EYS: variants seen among roughly 807,000 people sequenced by gnomAD.
EYS encodes the protein protein eyes shut homolog.
EYS carries 250 observed loss-of-function variants against 282.1 expected under a neutral mutation model. The ratio of observed to expected loss-of-function variants is 0.89; its 90% confidence interval spans 0.80 to 0.98. The LOEUF (loss-of-function observed/expected upper bound fraction) is 0.98. EYS is among the 50% of genes least tolerant of loss of function. The probability of loss-of-function intolerance (pLI) is 0.00; values close to 1 mark genes in which losing one functional copy is unlikely to be tolerated. For synonymous variants in EYS, 1,355 were observed against 1,282.9 expected, an observed-to-expected ratio of 1.06 and a Z score of -1.20; for missense variants, 4,016 against 3,709.0, an observed-to-expected ratio of 1.08 and a Z score of -2.15.
chr6:64,475,238 T>C (rs570169908), intron 26 of EYS, among the ~76,000 whole-genome samples: 30 of 152,306 alleles, frequency 2.0e-4, no homozygotes, highest in African/African-American at 6.7e-4. Context: ...TTCTACTTCA[T>C]AGTTTGCTCT....
At chr6:65,504,730 C>T (rs1281022182) in intron 2 of EYS, among the ~76,000 whole-genome samples, 1 of 151,206 alleles carries the variant, frequency 6.6e-6, no homozygotes, top group East Asian at 1.9e-4. Flanking sequence ...TAACTTTGCA[C>T]TGTGGAATAA....
chr6:64,985,955 G>C (rs576545625), intron 14 of EYS, among the ~76,000 whole-genome samples: 1 of 151,494 alleles, frequency 6.6e-6, no homozygotes, highest in African/African-American at 2.4e-5. Context: ...ACGTTTTCCA[G>C]AATCCAGCTA....
At chr6:63,736,914 T>A (rs1768928992) in intron 41 of EYS, among the ~76,000 whole-genome samples, 1 of 152,222 alleles carries the variant, frequency 6.6e-6, no homozygotes, top group South Asian at 2.1e-4. Flanking sequence ...ATAGGAATGC[T>A]TGTGATTTTT....
chr6:65,664,970 G>C (rs1407533257), intron 1 of EYS, among the ~76,000 whole-genome samples: 1 of 152,088 alleles, frequency 6.6e-6, no homozygotes, highest in Non-Finnish European at 1.5e-5. Flanking sequence ...TCTGTGATCT[G>C]CCCATCAGGA....
chr6:65,297,918 T>C (rs1168590055), intron 11 of EYS, among the ~76,000 whole-genome samples: 1 of 152,100 alleles, frequency 6.6e-6, no homozygotes, highest in African/African-American at 2.4e-5. Context: ...TCTTTCACTT[T>C]TAACAGTGTT....
chr6:64,341,782 C>T (rs1771123529), intron 29 of EYS, among the ~76,000 whole-genome samples: 1 of 151,692 alleles, frequency 6.6e-6, no homozygotes, highest in Admixed American at 6.6e-5. Context: ...AAAGCATTCT[C>T]TAACCACTTG....
intron 19 of EYS, among the ~76,000 whole-genome samples, chr6:64,856,379 C>A (rs1421986364): frequency 1.3e-5 from 2 of 152,164 alleles, no homozygotes; most frequent in African/African-American, 4.8e-5. Flanking sequence ...CAGTTCACTG[C>A]ATGCTCAACT....
chr6:65,139,116 A>T (rs1764248167), intron 12 of EYS, among the ~76,000 whole-genome samples: 1 of 152,130 alleles, frequency 6.6e-6, no homozygotes, highest in African/African-American at 2.4e-5. Flanking sequence ...ATTTTACCAT[A>T]AAGACTCATG....
intron 28 of EYS, among the ~76,000 whole-genome samples, chr6:64,403,518 G>A (rs1041233701): frequency 3.3e-5 from 5 of 151,830 alleles, no homozygotes; most frequent in Non-Finnish European, 5.9e-5. Flanking sequence ...CACCACGCCC[G>A]GCTAATTTTT....
intron 12 of EYS, among the ~76,000 whole-genome samples, chr6:65,289,164 AAT>A (rs1768452561): frequency 1.3e-5 from 2 of 151,190 alleles, no homozygotes; most frequent in South Asian, 4.1e-4. Flanking sequence ...TAAATAAGAA[AAT>A]ATGTTTATTT....
chr6:64,954,250 T>C (rs1034270440), intron 14 of EYS, among the ~76,000 whole-genome samples: 1 of 151,992 alleles, frequency 6.6e-6, no homozygotes, highest in African/African-American at 2.4e-5. Flanking sequence ...TTTTTAAGGG[T>C]TCCTTTACCT....
At chr6:64,725,287 A>G (rs1771715323) in intron 22 of EYS, among the ~76,000 whole-genome samples, 1 of 152,152 alleles carries the variant, frequency 6.6e-6, no homozygotes, top group Non-Finnish European at 1.5e-5. Context: ...ATGGGTAATC[A>G]AATGACATTT....
intron 13 of EYS, among the ~76,000 whole-genome samples, chr6:65,028,027 C>G (rs1458008839): frequency 6.6e-6 from 1 of 152,126 alleles, no homozygotes; most frequent in East Asian, 1.9e-4. Flanking sequence ...TTCCCATCAT[C>G]AATGACTACA....
chr6:65,636,412 T>C (rs1018817264), intron 2 of EYS, among the ~76,000 whole-genome samples: 1 of 152,174 alleles, frequency 6.6e-6, no homozygotes, highest in African/African-American at 2.4e-5. Context: ...TTCTCCTGCC[T>C]GGAAGTCTAC....
chr6:64,917,918 C>T (rs2150079747), intron 15 of EYS, among the ~76,000 whole-genome samples: 1 of 152,112 alleles, frequency 6.6e-6, no homozygotes, highest in South Asian at 2.1e-4. Flanking sequence ...GAAATAATGA[C>T]CGTTAATAAT....
chr6:64,825,048 C>T (rs1416215273), intron 19 of EYS, among the ~76,000 whole-genome samples: 2 of 151,814 alleles, frequency 1.3e-5, no homozygotes, highest in Non-Finnish European at 2.9e-5. Context: ...TTTAATCTCA[C>T]CCTTGACTAG....
chr6:63,791,466 T>C (rs1770509680), intron 37 of EYS, among the ~76,000 whole-genome samples: 1 of 151,432 alleles, frequency 6.6e-6, no homozygotes, highest in South Asian at 2.1e-4. Context: ...TAGTTCCAGC[T>C]ATTCAGGAGG....
chr6:65,008,324 T>C (rs1771752600), intron 13 of EYS, among the ~76,000 whole-genome samples: 2 of 151,886 alleles, frequency 1.3e-5, no homozygotes, highest in African/African-American at 4.8e-5. Context: ...TATCACTCAA[T>C]CAGCTGCAGA....
chr6:64,905,435 A>G (rs1767795523), intron 16 of EYS, among the ~76,000 whole-genome samples: 1 of 152,194 alleles, frequency 6.6e-6, no homozygotes, highest in Non-Finnish European at 1.5e-5. Context: ...TGTTAACTGC[A>G]GGGAGGATCT....
Sources: gnomAD v4.1 joint callset for allele counts (sites outside exome capture counted in the v4.1 genomes callset) on GRCh38, gnomAD v4.1.1 for gene constraint, MANE v1.5 for transcripts, NCBI Gene and HGNC (gene_info 2026-07-23, HGNC 2026-07-21) for gene names.